The following PARP15 variants were observed in gnomAD, a reference collection of about 807,000 sequenced individuals.
PARP15 encodes the protein protein mono-ADP-ribosyltransferase PARP15.
In PARP15, 50 loss-of-function variants were observed where a neutral mutation model predicts 62.1. The ratio of observed to expected loss-of-function variants is 0.81; its 90% CI spans 0.64 to 1.02. PARP15 has a LOEUF of 1.02. PARP15 is among the 50% of genes least tolerant of loss of function. The pLI is 0.00. For missense variants in PARP15, 820 were observed against 826.5 expected (o/e 0.99, Z 0.10); for synonymous variants, 309 against 293.1 (o/e 1.05, Z -0.55).
chr3:122,610,921 CCCA>C (rs2107535497), intron 3 of PARP15, among the ~76,000 whole-genome samples, 191 bp downstream of exon 3: 1 of 152,206 alleles, frequency 6.6e-6, no homozygotes, highest in African/African-American at 2.4e-5. Context: ...CACACCAGCC[CCCA>C]CAACAAAGAA....
At chr3:122,584,696 G>A (rs1255970729) in intron 1 of PARP15, among the ~76,000 whole-genome samples, 1 of 150,240 alleles carries the variant, frequency 6.7e-6, no homozygotes, top group Non-Finnish European at 1.5e-5. Context: ...TCCTGCTTCA[G>A]CCTCCCAAGT....
intron 9 of PARP15, 43 bp from the exon 10 acceptor site, chr3:122,632,043 T>G: frequency 6.2e-7 from 1 of 1,613,234 alleles, no homozygotes; most frequent in Non-Finnish European, 8.5e-7. Flanking sequence ...TCAGAGGTCT[T>G]TGGAAATGAA....
chr3:122,611,202 C>T (rs1217503612), intron 3 of PARP15, among the ~76,000 whole-genome samples: 1 of 152,144 alleles, frequency 6.6e-6, no homozygotes, highest in Non-Finnish European at 1.5e-5. Context: ...ATCATTCCCA[C>T]CTCCACTACC....
At chr3:122,578,047 G>A (rs1238362626) in intron 1 of PARP15, among the ~76,000 whole-genome samples, 194 bp downstream of exon 1, 2 of 118,578 alleles carry the variant, frequency 1.7e-5, no homozygotes, top group African/African-American at 5.8e-5. Context: ...TAGCATTTCT[G>A]GTGGTTTTTT....
At chr3:122,596,950 A>G (rs9821099) in intron 1 of PARP15, among the ~76,000 whole-genome samples, 151,147 of 152,348 alleles carry the variant, frequency 0.99, 74,991 homozygotes, top group Middle Eastern at 1. Context: ...GGCTATCTAC[A>G]AAGAAAAGGA....
At chr3:122,593,305 A>G (rs1259438487) in intron 1 of PARP15, among the ~76,000 whole-genome samples, 1 of 151,368 alleles carries the variant, frequency 6.6e-6, no homozygotes, top group Non-Finnish European at 1.5e-5. Context: ...TGCCTGGCTA[A>G]TTTTTTTTGC....
chr3:122,621,927 T>A (rs1335628719), intron 8 of PARP15, among the ~76,000 whole-genome samples: 2 of 152,104 alleles, frequency 1.3e-5, no homozygotes, highest in African/African-American at 4.8e-5. Flanking sequence ...GCCTCCCAAA[T>A]AGCTAGGACC....
intron 1 of PARP15, among the ~76,000 whole-genome samples, chr3:122,585,354 C>G (rs1933336072): frequency 6.6e-6 from 1 of 152,178 alleles, no homozygotes; most frequent in Non-Finnish European, 1.5e-5. Context: ...TTAAATCTGT[C>G]TCTCCAATCT....
intron 1 of PARP15, among the ~76,000 whole-genome samples, chr3:122,583,492 C>CT (rs35148084): frequency 5.9e-5 from 9 of 152,008 alleles, no homozygotes; most frequent in African/African-American, 1.7e-4. Context: ...TATATTGCTA[C>CT]TTTTTTCATG....
At chr3:122,624,275 GC>G (rs1176343008) in intron 8 of PARP15, among the ~76,000 whole-genome samples, 8 of 152,172 alleles carry the variant, frequency 5.3e-5, no homozygotes, top group Admixed American at 5.2e-4. Context: ...ATTAATAATT[GC>G]TAAGATTTAT....
chr3:122,604,108 A>C (rs1388742260), intron 1 of PARP15, among the ~76,000 whole-genome samples: 2 of 152,192 alleles, frequency 1.3e-5, no homozygotes, highest in Non-Finnish European at 2.9e-5. Flanking sequence ...TGAGGTAGAT[A>C]AGCTCAGATT....
chr3:122,597,398 A>G (rs1034137465), intron 1 of PARP15, among the ~76,000 whole-genome samples: 1 of 152,020 alleles, frequency 6.6e-6, no homozygotes, highest in Non-Finnish European at 1.5e-5. Flanking sequence ...TTTAGGGTAC[A>G]TGTGCACAAT....
intron 2 of PARP15, among the ~76,000 whole-genome samples, chr3:122,606,298 C>T (rs1935156730): frequency 6.6e-6 from 1 of 152,166 alleles, no homozygotes; most frequent in South Asian, 2.1e-4. Context: ...GTTTGCAAAT[C>T]TATCTCTTTT....
chr3:122,600,443 C>T (rs1214035028), intron 1 of PARP15, among the ~76,000 whole-genome samples: 1 of 152,040 alleles, frequency 6.6e-6, no homozygotes, highest in African/African-American at 2.4e-5. Context: ...CTGTACATAC[C>T]AACTTAGAGT....
At chr3:122,623,226 A>G (rs1175405983) in intron 8 of PARP15, among the ~76,000 whole-genome samples, 3 of 152,176 alleles carry the variant, frequency 2.0e-5, no homozygotes, top group African/African-American at 7.2e-5. Context: ...CATCTGGCAA[A>G]TTACAGCTCT....
chr3:122,623,777 A>G (rs1936501937), intron 8 of PARP15, among the ~76,000 whole-genome samples: 2 of 152,220 alleles, frequency 1.3e-5, no homozygotes, highest in Admixed American at 1.3e-4. Context: ...AATGAATAAC[A>G]GGTGATTTTG....
chr3:122,588,350 G>A (rs932886384), intron 1 of PARP15, among the ~76,000 whole-genome samples: 9 of 83,336 alleles, frequency 1.1e-4, no homozygotes, highest in African/African-American at 3.9e-4. Flanking sequence ...CTAGGAATTG[G>A]TTTATTGATT....
chr3:122,632,105 G>A lies in PARP15; in HGVS notation c.1458G>A (p.Trp486Ter). ...SMTTCNLPEH[W>*]TDMNHQLFCM... ...TTCCAGGTAATCTTCCTGAACACTG[G>A]ACTGACATGAATCATCAGCTGTTTT... The change falls in exon 10 of 12, where the codon TGG becomes TGA. Residue 486 changes from tryptophan to a stop codon, truncating the protein, a stop_gained. Coordinates refer to ENST00000464300, the MANE Select transcript of PARP15 (RefSeq NM_001113523.3). LOFTEE classifies it high-confidence loss of function. 1 of 1,613,982 alleles carries A rather than the reference G, an allele frequency of 6.2e-7. No homozygotes were observed. Among genetic ancestry groups the A allele is most frequent in the Non-Finnish European group, 8.5e-7 (1 of 1,179,948 alleles).
chr3:122,596,958 G>A (rs916144428), intron 1 of PARP15, among the ~76,000 whole-genome samples: 5 of 152,176 alleles, frequency 3.3e-5, no homozygotes, highest in Admixed American at 6.6e-5. Flanking sequence ...ACAAAGAAAA[G>A]GAGCTTAACT....
Sources: allele counts gnomAD v4.1 joint callset (sites outside exome capture counted in the v4.1 genomes callset), GRCh38; gene constraint gnomAD v4.1.1; transcripts MANE v1.5; gene names NCBI Gene and HGNC (gene_info 2026-07-23, HGNC 2026-07-21).